DENND1B: variants seen among roughly 807,000 people sequenced by gnomAD.
DENND1B encodes DENN domain containing 1B.
A neutral mutation model predicts 90.1 loss-of-function variants in DENND1B; 59 were observed. The ratio of observed to expected loss-of-function variants is 0.65; its 90% CI spans 0.53 to 0.81. The LOEUF (loss-of-function observed/expected upper bound fraction) is 0.81, where lower values mean the gene tolerates loss of function less well. DENND1B is among the 40% of genes least tolerant of loss of function. The probability of loss-of-function intolerance (pLI) is 0.00; values close to 1 mark genes in which losing one functional copy is unlikely to be tolerated. For synonymous variants in DENND1B, 337 were observed against 324.6 expected, an observed-to-expected ratio of 1.04 and a Z score of -0.41; for missense variants, 862 against 912.6, an observed-to-expected ratio of 0.94 and a Z score of 0.71.
intron 2 of DENND1B, among the ~76,000 whole-genome samples, chr1:197,740,604 T>C (rs1663125643): frequency 6.6e-6 from 1 of 152,168 alleles, no homozygotes; most frequent in South Asian, 2.1e-4. Flanking sequence ...ATAATGTAGT[T>C]GAAGAACTAA....
intron 2 of DENND1B, among the ~76,000 whole-genome samples, chr1:197,760,633 C>T (rs1268208952): frequency 1.4e-5 from 2 of 146,942 alleles, no homozygotes; most frequent in African/African-American, 5.1e-5. Context: ...CAGAGTGAGA[C>T]CTTGTCTCAA....
chr1:197,606,207 T>G (rs1676666373), intron 13 of DENND1B: 1 of 151,080 alleles, frequency 6.6e-6, no homozygotes. Context: ...TAATGCACTT[T>G]TGGAGACTAT....
intron 14 of DENND1B, among the ~76,000 whole-genome samples, chr1:197,592,630 G>A (rs914916302): frequency 3.0e-4 from 46 of 152,196 alleles, no homozygotes; most frequent in Non-Finnish European, 4.7e-4. Flanking sequence ...GTAAATGTGT[G>A]GAAGCCTGAG....
chr1:197,773,941 C>T (rs1368063636), intron 1 of DENND1B, among the ~76,000 whole-genome samples: 1 of 152,096 alleles, frequency 6.6e-6, no homozygotes, highest in Non-Finnish European at 1.5e-5. Flanking sequence ...AATGCCAGCT[C>T]TGACTTTAAA....
intron 12 of DENND1B, among the ~76,000 whole-genome samples, chr1:197,610,069 TG>T (rs1312146281): frequency 6.6e-6 from 1 of 150,760 alleles, no homozygotes; most frequent in African/African-American, 2.4e-5. Context: ...GATATCCAAT[TG>T]TTTTAAAAGA....
intron 2 of DENND1B, among the ~76,000 whole-genome samples, chr1:197,756,270 A>G (rs1571634680): frequency 6.6e-6 from 1 of 152,290 alleles, no homozygotes; most frequent in East Asian, 1.9e-4. Flanking sequence ...TGTTTTTCCA[A>G]CAATTAGAAT....
At chr1:197,664,808 G>T (rs1654777743) in intron 5 of DENND1B, among the ~76,000 whole-genome samples, 1 of 152,120 alleles carries the variant, frequency 6.6e-6, no homozygotes, top group African/African-American at 2.4e-5. Flanking sequence ...TAAGGGATTT[G>T]CCCAAAGGAA....
At chr1:197,619,274 TTA>T (rs1316109008) in intron 10 of DENND1B, among the ~76,000 whole-genome samples, 4 of 151,198 alleles carry the variant, frequency 2.6e-5, no homozygotes, top group African/African-American at 9.7e-5. Context: ...ATGGATTTAT[TTA>T]TGTTACAAAC....
chr1:197,639,695 A>G (rs575676973), intron 10 of DENND1B, among the ~76,000 whole-genome samples: 1 of 152,222 alleles, frequency 6.6e-6, no homozygotes, highest in South Asian at 2.1e-4. Flanking sequence ...ATATAAAAAT[A>G]TGAGTATAAA....
intron 10 of DENND1B, among the ~76,000 whole-genome samples, chr1:197,628,590 T>C (rs1424734814): frequency 3.0e-4 from 45 of 152,044 alleles, no homozygotes; most frequent in African/African-American, 1.0e-3. Context: ...AAAACCTAGG[T>C]GTTACCATTC....
intron 2 of DENND1B, chr1:197,747,274 G>A (rs1036782987): frequency 8.1e-6 from 5 of 618,172 alleles, no homozygotes; most frequent in Admixed American, 2.3e-5. Context: ...ATTTACATTC[G>A]ACTCTGTTTC....
Position 197,715,130 on chromosome 1 carries a change from A to T in DENND1B, c.83-56T>A, listed in dbSNP as rs1660525281. ...GCAGCAAAAGAACACATTTAAAGGA[A>T]CAGTCTTGGTTAAACACTCTTAAAA... On this transcript the variant is annotated intron_variant, in intron 2 of 22. Transcript: ENST00000620048. 3 of 1,475,914 alleles carry T rather than the reference A, an allele frequency of 2.0e-6. No homozygotes were observed. In the East Asian group the frequency reaches 6.8e-5, roughly 34 times the overall value. 91.4% of individuals were successfully genotyped at this position (1,475,914 alleles called of 1,614,324 possible).
intron 11 of DENND1B, among the ~76,000 whole-genome samples, chr1:197,612,582 A>G (rs1488800174): frequency 6.6e-6 from 1 of 150,642 alleles, no homozygotes; most frequent in African/African-American, 2.4e-5. Context: ...CCCCTCATGT[A>G]CATTGTCTTT....
At chr1:197,573,028 C>T (rs1411993302) in intron 15 of DENND1B, among the ~76,000 whole-genome samples, 1 of 152,066 alleles carries the variant, frequency 6.6e-6, no homozygotes, top group East Asian at 1.9e-4. Context: ...ATTCTTCTCT[C>T]TTTTTTTCTT....
intron 10 of DENND1B, among the ~76,000 whole-genome samples, chr1:197,622,936 A>T (rs1279442348): frequency 1.3e-5 from 2 of 151,440 alleles, no homozygotes; most frequent in East Asian, 3.9e-4. Flanking sequence ...TCCCATGGAC[A>T]CAGCAGAAAG....
upstream of DENND1B, among the ~76,000 whole-genome samples, chr1:197,777,307 A>G (rs1281801559): frequency 6.6e-6 from 1 of 152,226 alleles, no homozygotes; most frequent in Non-Finnish European, 1.5e-5. Flanking sequence ...AATGACAGTC[A>G]TACCCTTGAA....
At chr1:197,725,497 T>C (rs1661545645) in intron 2 of DENND1B, among the ~76,000 whole-genome samples, 1 of 152,096 alleles carries the variant, frequency 6.6e-6, no homozygotes, top group South Asian at 2.1e-4. Flanking sequence ...CAAACATATA[T>C]ATAAAACAAT....
At chr1:197,567,358 A>G (rs1319097170) in intron 15 of DENND1B, among the ~76,000 whole-genome samples, 1 of 152,156 alleles carries the variant, frequency 6.6e-6, no homozygotes, top group African/African-American at 2.4e-5. Context: ...TCAGTAGTCA[A>G]AAATCTTCCA....
At chr1:197,682,293 T>C (rs1350412824) in intron 3 of DENND1B, among the ~76,000 whole-genome samples, 1 of 152,158 alleles carries the variant, frequency 6.6e-6, no homozygotes, top group East Asian at 1.9e-4. Flanking sequence ...TTGAAAAGTT[T>C]GGAAAAATCA....
Sources: allele counts gnomAD v4.1 joint callset (sites outside exome capture counted in the v4.1 genomes callset), GRCh38; gene constraint gnomAD v4.1.1; transcripts MANE v1.5; gene names NCBI Gene and HGNC (gene_info 2026-07-23, HGNC 2026-07-21).